Variants in DGKB observed in about 807,000 individuals in gnomAD.
DGKB encodes 90 kDa diacylglycerol kinase.
A neutral mutation model predicts 114.3 loss-of-function variants in DGKB; 67 were observed. The observed-to-expected ratio is 0.59, with a 90% CI of 0.48 to 0.72. The LOEUF is 0.72. Ranked by LOEUF, DGKB falls within the 30% of genes least tolerant of loss-of-function variation. The probability of loss-of-function intolerance (pLI) is 0.00; values close to 1 mark genes in which losing one functional copy is unlikely to be tolerated. For synonymous variants in DGKB, 398 were observed against 323.1 expected (o/e 1.23, Z -2.49); for missense variants, 907 against 975.2 (o/e 0.93, Z 0.93).
intron 14 of DGKB, among the ~76,000 whole-genome samples, chr7:14,622,683 C>T (rs1052435226): frequency 9.2e-5 from 14 of 152,206 alleles, no homozygotes; most frequent in African/African-American, 3.4e-4. Flanking sequence ...GTAACTATCA[C>T]CTAATGAATC....
intron 20 of DGKB, among the ~76,000 whole-genome samples, chr7:14,538,178 CTA>C (rs1016819603): frequency 6.6e-6 from 1 of 150,630 alleles, no homozygotes; most frequent in African/African-American, 2.4e-5. Flanking sequence ...AAATGGTACT[CTA>C]TGCAGTGGGA....
At chr7:14,327,773 T>C (rs1286652136) in intron 23 of DGKB, among the ~76,000 whole-genome samples, 1 of 152,084 alleles carries the variant, frequency 6.6e-6, no homozygotes, top group Non-Finnish European at 1.5e-5. Flanking sequence ...AAGACAACAA[T>C]ACCGAGGACA....
intron 20 of DGKB, among the ~76,000 whole-genome samples, chr7:14,508,080 G>A (rs974443804): frequency 3.3e-5 from 5 of 151,940 alleles, no homozygotes; most frequent in African/African-American, 4.8e-5. Flanking sequence ...ACAATCAGGC[G>A]GCATATTTAA....
At position 14,872,224 on chromosome 7, in the gene DGKB, A is replaced by G. The variant is rs568591328; in HGVS notation, c.-188+30368T>C. Among the ~76,000 whole-genome samples, 7 of 152,298 alleles carry G rather than the reference A, an allele frequency of 4.6e-5. No individual in the cohort carries two copies. The South Asian group carries it at 1.5e-3, about 32-fold the overall frequency. ...CTTATAAATGACACCAATTTCTCCA[A>G]TGAAATGTTATTTCTAAATAAGAGC... On this transcript the variant is annotated intron_variant, in intron 1 of 25. Coordinates refer to ENST00000402815, the MANE Select transcript of DGKB (RefSeq NM_001350709.2).
At chr7:14,652,446 T>C (rs1304057712) in intron 13 of DGKB, among the ~76,000 whole-genome samples, 1 of 151,918 alleles carries the variant, frequency 6.6e-6, no homozygotes, top group South Asian at 2.1e-4. Flanking sequence ...TGGCAAGCCA[T>C]ATGTAGAAAG....
At chr7:14,551,748 T>C (rs915190624) in intron 20 of DGKB, among the ~76,000 whole-genome samples, 1 of 152,142 alleles carries the variant, frequency 6.6e-6, no homozygotes, top group South Asian at 2.1e-4. Flanking sequence ...TGTGCATAAT[T>C]ATGCATATTC....
At chr7:14,590,783 T>C (rs543584680) in intron 17 of DGKB, among the ~76,000 whole-genome samples, 39 of 152,240 alleles carry the variant, frequency 2.6e-4, no homozygotes, top group Non-Finnish European at 4.4e-4. Flanking sequence ...ATAAAGAAAA[T>C]GTGTATGTAA....
chr7:14,577,508 T>A (rs956869979), intron 19 of DGKB, among the ~76,000 whole-genome samples: 1 of 151,922 alleles, frequency 6.6e-6, no homozygotes, highest in Non-Finnish European at 1.5e-5. Context: ...TACCAGCTAC[T>A]CGGGAGGCTG....
intron 23 of DGKB, among the ~76,000 whole-genome samples, chr7:14,254,248 G>C (rs1050356015): frequency 1.3e-5 from 2 of 152,158 alleles, no homozygotes; most frequent in Admixed American, 1.3e-4. Flanking sequence ...AGAGATTTCA[G>C]ATTATTTTTA....
chr7:14,442,657 T>A lies in DGKB; in HGVS notation c.1835+35504A>T, dbSNP rs185817141. Among the ~76,000 whole-genome samples the A allele has an allele frequency of 1.4e-3, 210 of 152,260 alleles. 2 individuals are homozygous for A. The highest frequency in any genetic ancestry group is 6.8e-3 in the Middle Eastern group (2 of 294). Reference sequence around the variant, plus strand: ...TTCTATAATAATTCTGTTGTAAGAGTTTTAATATGTAATATTTTACCACAT... The same window carrying A: ...TTCTATAATAATTCTGTTGTAAGAGATTTAATATGTAATATTTTACCACAT... On this transcript the variant is annotated intron_variant, in intron 21 of 25. Transcript: ENST00000402815.
In DGKB at chr7:14,774,585, T is replaced by C. The variant is rs545277789; in HGVS notation, c.71-16854A>G. The stretch of plus-strand genomic sequence containing the variant: ...AACCACTGGTGCTTTGAAAATGTTA[T>C]TTAAAACTTGGATCATAATTGAATA... On this transcript the variant is annotated intron_variant, in intron 2 of 25. Transcript: ENST00000402815. Among the ~76,000 whole-genome samples, 8 of 152,326 alleles carry C rather than the reference T, an allele frequency of 5.3e-5. No individual in the cohort carries two copies. In the South Asian group the frequency reaches 1.7e-3, roughly 32 times the overall value.
chr7:14,642,394 C>T (rs188191290), intron 13 of DGKB, among the ~76,000 whole-genome samples: 2 of 152,086 alleles, frequency 1.3e-5, no homozygotes, highest in East Asian at 1.9e-4. Context: ...TTTTATTTGG[C>T]AACAGGTAGA....
chr7:14,949,133 C>A (rs76423931), intron 1 of DGKB, among the ~76,000 whole-genome samples: 1 of 151,142 alleles, frequency 6.6e-6, no homozygotes, highest in South Asian at 2.1e-4. Flanking sequence ...TTTACAAATA[C>A]GAAAAAACAG....
chr7:14,454,815 G>A (rs562924907), intron 21 of DGKB, among the ~76,000 whole-genome samples: 173 of 152,026 alleles, frequency 1.1e-3, no homozygotes, highest in Non-Finnish European at 1.1e-3. Context: ...AAAAACAAAA[G>A]AAATGGTATT....
chr7:14,862,221 T>C (rs897608628), intron 1 of DGKB, among the ~76,000 whole-genome samples: 2 of 152,004 alleles, frequency 1.3e-5, no homozygotes, highest in Non-Finnish European at 2.9e-5. Flanking sequence ...TGCATACACA[T>C]AGTGAAATGA....
At position 14,738,864 on chromosome 7, in the gene DGKB, C is replaced by G. The variant is rs1231694970; in HGVS notation, c.169-2670G>C. On this transcript the variant is annotated intron_variant, in intron 4 of 25. Transcript: ENST00000402815. ...ACCATAATTATACCTTAAAACAGCT[C>G]TTTCAAGCCAAGACTTTAACTTGGT... 2.0e-5 allele frequency among the ~76,000 whole-genome samples: 3 copies of G among 152,298 alleles called. No individual in the cohort carries two copies. The East Asian group carries it at 5.8e-4, about 29-fold the overall frequency.
At chr7:14,221,755 A>G (rs1790014164) in intron 23 of DGKB, among the ~76,000 whole-genome samples, 1 of 151,228 alleles carries the variant, frequency 6.6e-6, no homozygotes, top group South Asian at 2.1e-4. Context: ...TTTGTCTTAC[A>G]CATTTGGTAG....
chr7:14,650,004 G>A (rs1414179076), intron 13 of DGKB, among the ~76,000 whole-genome samples: 1 of 151,366 alleles, frequency 6.6e-6, no homozygotes, highest in African/African-American at 2.4e-5. Context: ...AGCAAGTCCT[G>A]AGTGACCTAC....
intron 1 of DGKB, among the ~76,000 whole-genome samples, chr7:14,957,143 T>TA (rs951131720): frequency 8.6e-5 from 13 of 151,752 alleles, no homozygotes; most frequent in East Asian, 1.9e-4. Flanking sequence ...CCAGTTTTTT[T>TA]AAAAAAAGGG....
Sources: gnomAD v4.1 joint callset for allele counts (sites outside exome capture counted in the v4.1 genomes callset) on GRCh38, gnomAD v4.1.1 for gene constraint, MANE v1.5 for transcripts, NCBI Gene and HGNC (gene_info 2026-07-23, HGNC 2026-07-21) for gene names.